LYPLAL1: variants seen among roughly 807,000 people sequenced by gnomAD.
LYPLAL1 encodes the protein lysophospholipase-like protein 1.
Under a neutral mutation model 19.7 loss-of-function variants are expected in LYPLAL1, and 23 were observed. That is an observed-to-expected ratio of 1.17 (90% CI 0.84 to 1.65). The LOEUF is 1.65. LYPLAL1 is among the 40% of genes most tolerant of loss of function. LYPLAL1 has a pLI of 0.00. For missense variants in LYPLAL1, 355 were observed against 279.4 expected (o/e 1.27, Z -1.93); for synonymous variants, 119 against 96.3 (o/e 1.24, Z -1.38).
the LYPLAL1 span, among the ~76,000 whole-genome samples, chr1:219,285,978 A>C: frequency 7.2e-5 from 11 of 152,334 alleles, no homozygotes; most frequent in African/African-American, 2.6e-4. Context: ...AGATAGAGAT[A>C]GAGATAGAAA....
At chr1:219,432,527 T>G in the LYPLAL1 span, among the ~76,000 whole-genome samples, 1 of 152,128 alleles carries the variant, frequency 6.6e-6, no homozygotes, top group Non-Finnish European at 1.5e-5. Flanking sequence ...CGTGTGCCAG[T>G]CTACTCTGCC....
the LYPLAL1 span, among the ~76,000 whole-genome samples, chr1:219,246,376 G>A: frequency 6.6e-6 from 1 of 151,920 alleles, no homozygotes; most frequent in African/African-American, 2.4e-5. Context: ...TTATCCAATC[G>A]GCTTTATTAG....
At chr1:219,444,925 C>T in the LYPLAL1 span, among the ~76,000 whole-genome samples, 1 of 152,014 alleles carries the variant, frequency 6.6e-6, no homozygotes, top group African/African-American at 2.4e-5. Context: ...AAAATTTACT[C>T]ACACAGAACA....
the LYPLAL1 span, among the ~76,000 whole-genome samples, chr1:219,250,159 C>G: frequency 6.6e-6 from 1 of 152,010 alleles, no homozygotes; most frequent in Admixed American, 6.6e-5. Flanking sequence ...GTATATTACT[C>G]TTTAGATCTA....
At chr1:219,238,630 A>G in the LYPLAL1 span, among the ~76,000 whole-genome samples, 4 of 152,126 alleles carry the variant, frequency 2.6e-5, no homozygotes, top group Non-Finnish European at 4.4e-5. Context: ...TTCTGGGGCC[A>G]GGTCTGGAAC....
At position 219,173,879 on chromosome 1, in the gene LYPLAL1, G is replaced by C. The variant is rs376487406; in HGVS notation, c.-12G>C. 1.2e-5 allele frequency: 19 copies of C among 1,611,232 alleles called. No individual in the cohort carries two copies. In the South Asian group the frequency reaches 1.4e-4, roughly 12 times the overall value. On this transcript the variant is annotated 5_prime_UTR_variant, in exon 1 of 5. Transcript: ENST00000366928. ...CAGGGGCGGAACCGCATGACTGGCAGTGGCATCAGCGATGGCGGCTGCGTC... is the reference window on the plus strand; with the variant it reads ...CAGGGGCGGAACCGCATGACTGGCACTGGCATCAGCGATGGCGGCTGCGTC...
At chr1:219,269,042 C>A in the LYPLAL1 span, among the ~76,000 whole-genome samples, 3 of 152,220 alleles carry the variant, frequency 2.0e-5, no homozygotes, top group Non-Finnish European at 2.9e-5. Context: ...AAGGCAGTCA[C>A]CTGCTCTAAG....
the LYPLAL1 span, among the ~76,000 whole-genome samples, chr1:219,255,088 G>T: frequency 6.6e-6 from 1 of 151,718 alleles, no homozygotes; most frequent in Non-Finnish European, 1.5e-5. Flanking sequence ...AGAAAGCCTT[G>T]ACTTTTATAG....
intron 3 of LYPLAL1, among the ~76,000 whole-genome samples, chr1:219,195,380 G>A (rs1442578371): frequency 6.6e-6 from 1 of 151,934 alleles, no homozygotes; most frequent in Non-Finnish European, 1.5e-5. Flanking sequence ...AAGTGGTGTG[G>A]TGGCAATAGG....
the LYPLAL1 span, among the ~76,000 whole-genome samples, chr1:219,255,456 C>G: frequency 6.6e-6 from 1 of 151,794 alleles, no homozygotes. Context: ...GTCTAATATG[C>G]AGCAAACTTG....
At chr1:219,438,461 T>G in the LYPLAL1 span, among the ~76,000 whole-genome samples, 10 of 152,248 alleles carry the variant, frequency 6.6e-5, no homozygotes, top group African/African-American at 2.4e-4. Flanking sequence ...CTGCACTTGT[T>G]TTATTCCTCT....
chr1:219,276,208 T>C, the LYPLAL1 span, among the ~76,000 whole-genome samples: 1 of 152,214 alleles, frequency 6.6e-6, no homozygotes, highest in Non-Finnish European at 1.5e-5. Context: ...CTTGCCATTG[T>C]GTCTTGGACT....
chr1:219,189,559 A>G (rs1338191745), intron 2 of LYPLAL1, among the ~76,000 whole-genome samples: 1 of 151,626 alleles, frequency 6.6e-6, no homozygotes, highest in Non-Finnish European at 1.5e-5. Flanking sequence ...TTCTGATTCT[A>G]ATTTATCTAC....
the LYPLAL1 span, among the ~76,000 whole-genome samples, chr1:219,307,510 G>A: frequency 1.3e-5 from 2 of 152,206 alleles, no homozygotes; most frequent in African/African-American, 4.8e-5. Flanking sequence ...TGTAACCTTA[G>A]TTGTTGATGG....
At chr1:219,226,616 A>G in the LYPLAL1 span, among the ~76,000 whole-genome samples, 3 of 152,138 alleles carry the variant, frequency 2.0e-5, no homozygotes, top group Non-Finnish European at 4.4e-5. Context: ...TGAATACTCA[A>G]TGACTTCAAA....
chr1:219,192,483 G>A (rs906663977), intron 2 of LYPLAL1, among the ~76,000 whole-genome samples: 7 of 151,656 alleles, frequency 4.6e-5, no homozygotes, highest in East Asian at 1.9e-4. Flanking sequence ...TCATCATTAC[G>A]TGAGGAGAAA....
At chr1:219,176,563 T>C (rs2125014892) in intron 1 of LYPLAL1, among the ~76,000 whole-genome samples, 1 of 152,322 alleles carries the variant, frequency 6.6e-6, no homozygotes, top group East Asian at 1.9e-4. Context: ...CCTGGTTCTT[T>C]TTCTGTCTTG....
chr1:219,372,746 C>G, the LYPLAL1 span, among the ~76,000 whole-genome samples: 1 of 151,466 alleles, frequency 6.6e-6, no homozygotes, highest in Non-Finnish European at 1.5e-5. Flanking sequence ...CAAAAAAATA[C>G]AAAAAAAATT....
chr1:219,384,103 A>C, the LYPLAL1 span, among the ~76,000 whole-genome samples: 1 of 152,234 alleles, frequency 6.6e-6, no homozygotes, highest in East Asian at 1.9e-4. Flanking sequence ...AACTCTGTGA[A>C]GAAGTGAGGT....
Sources: gnomAD v4.1 joint callset for allele counts (sites outside exome capture counted in the v4.1 genomes callset) on GRCh38, gnomAD v4.1.1 for gene constraint, MANE v1.5 for transcripts, NCBI Gene and HGNC (gene_info 2026-07-23, HGNC 2026-07-21) for gene names.